Variants in SLC2A13 observed in about 807,000 individuals in gnomAD.
SLC2A13 encodes proton myo-inositol cotransporter.
Under a neutral mutation model 64.4 loss-of-function variants are expected in SLC2A13, and 32 were observed. That is an observed-to-expected ratio of 0.50 (90% CI 0.37 to 0.67). SLC2A13 has a LOEUF of 0.67. Among genes scored for constraint, SLC2A13 ranks in the 30% least tolerant of loss-of-function variants. The pLI is 0.00. For synonymous variants in SLC2A13, 338 were observed against 327.1 expected (o/e 1.03, Z -0.36); for missense variants, 743 against 829.2 (o/e 0.90, Z 1.28).
intron 1 of SLC2A13, among the ~76,000 whole-genome samples, chr12:40,088,408 T>G (rs910197855): frequency 6.6e-6 from 1 of 152,208 alleles, no homozygotes; most frequent in Non-Finnish European, 1.5e-5. Flanking sequence ...ACTCAACTCT[T>G]TGTGGGGAGA....
intron 1 of SLC2A13, among the ~76,000 whole-genome samples, chr12:40,076,231 T>G (rs1306607362): frequency 6.6e-6 from 1 of 152,170 alleles, no homozygotes; most frequent in Non-Finnish European, 1.5e-5. Flanking sequence ...TCACTGGAGT[T>G]TGGTGTACAA....
intron 1 of SLC2A13, among the ~76,000 whole-genome samples, chr12:40,104,397 A>T (rs1225671187): frequency 6.6e-6 from 1 of 152,194 alleles, no homozygotes; most frequent in African/African-American, 2.4e-5. Context: ...GGGTGAAAAA[A>T]ATTCAACGCC....
At chr12:39,902,412 A>T (rs1356263360) in intron 4 of SLC2A13, among the ~76,000 whole-genome samples, 1 of 152,118 alleles carries the variant, frequency 6.6e-6, no homozygotes, top group East Asian at 1.9e-4. Context: ...AACTATTTTT[A>T]AACTTGAAAT....
At chr12:39,881,565 T>C (rs1944336466) in intron 4 of SLC2A13, among the ~76,000 whole-genome samples, 1 of 152,192 alleles carries the variant, frequency 6.6e-6, no homozygotes, top group Non-Finnish European at 1.5e-5. Flanking sequence ...CACCTATTTA[T>C]ACCTGGCCAT....
chr12:39,790,126 TC>T (rs1238675776), intron 7 of SLC2A13, among the ~76,000 whole-genome samples: 1 of 47,476 alleles, frequency 2.1e-5, no homozygotes, highest in African/African-American at 6.3e-5. Context: ...TCTTTTGTGT[TC>T]TTTTTTTTTT....
intron 4 of SLC2A13, among the ~76,000 whole-genome samples, chr12:39,917,742 C>T (rs1220296203): frequency 6.6e-6 from 1 of 152,018 alleles, no homozygotes; most frequent in East Asian, 1.9e-4. Flanking sequence ...TTTCAGATGG[C>T]AGACAGTGGG....
chr12:40,010,769 A>G (rs778721307), intron 3 of SLC2A13, among the ~76,000 whole-genome samples: 10 of 152,126 alleles, frequency 6.6e-5, no homozygotes, highest in Non-Finnish European at 1.5e-4. Context: ...TCTACTGCCT[A>G]ATTACAGCAA....
At chr12:39,838,426 G>T (rs1943081425) in intron 6 of SLC2A13, among the ~76,000 whole-genome samples, 1 of 147,612 alleles carries the variant, frequency 6.8e-6, no homozygotes, top group African/African-American at 2.5e-5. Context: ...CACCAGCATG[G>T]CACATGTATA....
At chr12:39,958,007 C>A (rs1374546141) in intron 3 of SLC2A13, among the ~76,000 whole-genome samples, 1 of 152,206 alleles carries the variant, frequency 6.6e-6, no homozygotes, top group Non-Finnish European at 1.5e-5. Flanking sequence ...GAAGGACCCA[C>A]AAGAGGTATG....
chr12:39,847,296 T>TC lies in SLC2A13; in HGVS notation c.1320-17069dup, dbSNP rs200285739. ...AGTGGCCTATCCCTACATTCATTCT[T>TC]CCCTCCTCCTTTTTAAGAGAAATGT... is the stretch of plus-strand genomic sequence containing the variant. On this transcript the variant is annotated intron_variant, in intron 6 of 9. Transcript: ENST00000280871. Among the ~76,000 whole-genome samples, 1,298 of 152,172 alleles carry TC rather than the reference T, an allele frequency of 8.5e-3. 20 individuals carry two copies. Among genetic ancestry groups the TC allele is most frequent in the African/African-American group, 0.03 (1,237 of 41,524 alleles).
At chr12:40,036,126 A>G (rs73101826) in intron 2 of SLC2A13, among the ~76,000 whole-genome samples, 34 of 152,316 alleles carry the variant, frequency 2.2e-4, no homozygotes, top group Non-Finnish European at 4.3e-4. Context: ...TACTCCAGTA[A>G]TCATCAAACA....
At chr12:40,087,730 T>G (rs1592073513) in intron 1 of SLC2A13, among the ~76,000 whole-genome samples, 2 of 152,294 alleles carry the variant, frequency 1.3e-5, no homozygotes, top group East Asian at 1.9e-4. Context: ...CATGTACCAG[T>G]TAACCTTCTG....
At chr12:39,854,206 C>A (rs762802828) in intron 6 of SLC2A13, among the ~76,000 whole-genome samples, 4 of 151,972 alleles carry the variant, frequency 2.6e-5, no homozygotes, top group Non-Finnish European at 4.4e-5. Flanking sequence ...ATGATATAAT[C>A]CGTCTGATCC....
chr12:39,850,209 T>C lies in SLC2A13; in HGVS notation c.1319+14553A>G, dbSNP rs186696161. On this transcript the variant is annotated intron_variant, in intron 6 of 9. Transcript: ENST00000280871. ...GTAGCTACTGGAACCGAAAAGGAGTTAGTACTTTAATGCATAATTAGATGA... is the reference window on the plus strand; with the variant it reads ...GTAGCTACTGGAACCGAAAAGGAGTCAGTACTTTAATGCATAATTAGATGA... 1.6e-4 allele frequency among the ~76,000 whole-genome samples: 25 copies of C among 152,334 alleles called. No homozygotes were observed. The East Asian group carries it at 3.7e-3, about 22-fold the overall frequency.
intron 1 of SLC2A13, among the ~76,000 whole-genome samples, chr12:40,093,318 C>G (rs1938828189): frequency 1.3e-5 from 2 of 152,342 alleles, no homozygotes; most frequent in South Asian, 2.1e-4. Flanking sequence ...CATCCTTGAT[C>G]CAATCTCAGC....
chr12:39,787,442 GT>G (rs1941230494), intron 7 of SLC2A13, among the ~76,000 whole-genome samples: 1 of 152,152 alleles, frequency 6.6e-6, no homozygotes, highest in African/African-American at 2.4e-5. Context: ...GATATGATGT[GT>G]TCTCTAAAGC....
At chr12:40,096,992 G>T (rs1254768790) in intron 1 of SLC2A13, among the ~76,000 whole-genome samples, 1 of 152,078 alleles carries the variant, frequency 6.6e-6, no homozygotes, top group African/African-American at 2.4e-5. Context: ...TTCTTGATCA[G>T]ATTTAAATCT....
intron 3 of SLC2A13, among the ~76,000 whole-genome samples, chr12:40,019,777 C>A (rs1176157880): frequency 6.6e-6 from 1 of 152,102 alleles, no homozygotes; most frequent in Non-Finnish European, 1.5e-5. Context: ...CAGTGGGAAT[C>A]ATTTTCAAGG....
At chr12:39,949,738 A>T (rs1946197105) in intron 4 of SLC2A13, 1 of 152,222 alleles carries the variant, frequency 6.6e-6, no homozygotes, top group Non-Finnish European at 1.5e-5. Flanking sequence ...AAAAAGCATA[A>T]CAAACAAAAC....
Sources: gnomAD v4.1 joint callset for allele counts (sites outside exome capture counted in the v4.1 genomes callset) on GRCh38, gnomAD v4.1.1 for gene constraint, MANE v1.5 for transcripts, NCBI Gene and HGNC (gene_info 2026-07-23, HGNC 2026-07-21) for gene names.